The following DNM3 variants were observed in gnomAD, a reference collection of about 807,000 sequenced individuals.
The protein encoded by DNM3 is dynamin-3.
Under a neutral mutation model 101.6 loss-of-function variants are expected in DNM3, and 47 were observed. The observed-to-expected ratio is 0.46, with a 90% confidence interval of 0.37 to 0.59. The LOEUF (loss-of-function observed/expected upper bound fraction) is 0.59. Among genes scored for constraint, DNM3 ranks in the 20% least tolerant of loss-of-function variants. The pLI, the probability that DNM3 is intolerant of heterozygous loss-of-function variation, is 0.00. For missense variants in DNM3, 849 were observed against 1,085.7 expected (o/e 0.78, Z 3.06); for synonymous variants, 385 against 387.9 (o/e 0.99, Z 0.09).
At chr1:172,062,762 C>T (rs2051340942) in intron 10 of DNM3, among the ~76,000 whole-genome samples, 1 of 152,200 alleles carries the variant, frequency 6.6e-6, no homozygotes, top group South Asian at 2.1e-4. Context: ...ACTTAGAAAA[C>T]AGTCACTATT....
At position 172,411,120 on chromosome 1, in the gene DNM3, A is replaced by C. The variant is rs1488275146; in HGVS notation, c.*3279A>C. ...AATATATGTATATGTATGGTTGTAAATATCTATGTATACATGTACTTAGTA... is the reference window on the plus strand; with the variant it reads ...AATATATGTATATGTATGGTTGTAACTATCTATGTATACATGTACTTAGTA... On this transcript the variant is annotated 3_prime_UTR_variant, in exon 21 of 21. Transcript: ENST00000627582. The C allele has an allele frequency of 1.0e-6, 1 of 984,192 alleles. No homozygotes were observed. The highest frequency in any genetic ancestry group is 6.2e-5 in the Admixed American group (1 of 16,244). The allele number at this position is 984,192 out of a possible 1,614,324, so 61.0% of individuals were successfully genotyped here.
chr1:172,134,400 A>G (rs947247131), intron 14 of DNM3, among the ~76,000 whole-genome samples: 7 of 152,168 alleles, frequency 4.6e-5, no homozygotes, highest in Admixed American at 1.3e-4. Context: ...GAGGATCATC[A>G]CCATAATGGC....
At chr1:172,033,034 GA>G (rs1253373786) in intron 5 of DNM3, 70 bp from the exon 6 acceptor site, 1 of 1,543,304 alleles carries the variant, frequency 6.5e-7, no homozygotes, top group Non-Finnish European at 8.7e-7. Context: ...GCCTATGTGA[GA>G]GCCTTGAAAT....
intron 17 of DNM3, among the ~76,000 whole-genome samples, chr1:172,341,856 G>A (rs1036259165): frequency 2.0e-5 from 3 of 152,040 alleles, no homozygotes; most frequent in African/African-American, 4.8e-5. Flanking sequence ...AAAAGCAATT[G>A]CAATAAAACC....
intron 15 of DNM3, among the ~76,000 whole-genome samples, chr1:172,254,147 A>T (rs1029721837): frequency 6.6e-6 from 1 of 152,048 alleles, no homozygotes; most frequent in East Asian, 1.9e-4. Flanking sequence ...TTGACCTCAA[A>T]CTACCTGGGT....
chr1:172,167,717 A>G (rs1446321269), intron 14 of DNM3, among the ~76,000 whole-genome samples: 2 of 152,018 alleles, frequency 1.3e-5, no homozygotes, highest in African/African-American at 2.4e-5. Context: ...TTTTTTTTCC[A>G]TATAATTGAT....
intron 2 of DNM3, among the ~76,000 whole-genome samples, chr1:171,973,861 C>T (rs1019230983): frequency 7.2e-5 from 11 of 152,014 alleles, no homozygotes; most frequent in African/African-American, 2.7e-4. Flanking sequence ...GACGGGATTT[C>T]ACCATGTTGC....
chr1:172,302,047 C>T (rs2064481211), intron 15 of DNM3, among the ~76,000 whole-genome samples: 1 of 152,142 alleles, frequency 6.6e-6, no homozygotes, highest in Non-Finnish European at 1.5e-5. Flanking sequence ...TGAGTGCAGC[C>T]CACAGAGGAC....
At chr1:172,365,076 T>A (rs1209315421) in intron 17 of DNM3, among the ~76,000 whole-genome samples, 1 of 151,936 alleles carries the variant, frequency 6.6e-6, no homozygotes, top group Non-Finnish European at 1.5e-5. Flanking sequence ...CTTATTTCGA[T>A]TCAAACTCAA....
chr1:171,841,689 G>T lies in DNM3; in HGVS notation c.33G>T (p.Pro11=), dbSNP rs376123360. 5.0e-6 allele frequency: 8 copies of T among 1,611,690 alleles called. No homozygotes were observed. Among genetic ancestry groups the T allele is most frequent in the African/African-American group, 2.7e-5 (2 of 74,888 alleles). Residue 11 remains proline, a synonymous_variant, in exon 1 of 21, where the codon CCG becomes CCT. Coordinates refer to ENST00000627582, the MANE Select transcript of DNM3 (RefSeq NM_015569.5). MGNREMEELI[P]LVNRLQDAFS... ...ACCGGGAGATGGAGGAGCTGATCCC[G>T]CTGGTGAACCGTCTGCAGGACGCGT...
intron 4 of DNM3, among the ~76,000 whole-genome samples, chr1:171,990,410 A>G (rs1168976666): frequency 6.6e-6 from 1 of 152,114 alleles, no homozygotes. Context: ...CTCAACTGTT[A>G]GGTTCTATGA....
chr1:172,289,800 C>T (rs2063834079), intron 15 of DNM3: 1 of 984,878 alleles, frequency 1.0e-6, no homozygotes, highest in East Asian at 1.1e-4. Context: ...TACTATTTGA[C>T]AAAAATTTGC....
At chr1:171,925,284 G>A (rs899675511) in intron 2 of DNM3, among the ~76,000 whole-genome samples, 3 of 151,472 alleles carry the variant, frequency 2.0e-5, no homozygotes, top group Admixed American at 6.6e-5. Context: ...CTGGAGTGCA[G>A]TGGTGCGATC....
chr1:172,008,342 C>T (rs1484011352), intron 4 of DNM3, among the ~76,000 whole-genome samples: 4 of 151,754 alleles, frequency 2.6e-5, no homozygotes, highest in Admixed American at 6.6e-5. Context: ...TTTGGGTATA[C>T]ATTTAAGTCT....
At chr1:172,220,020 A>G (rs1040353384) in intron 14 of DNM3, among the ~76,000 whole-genome samples, 1 of 152,188 alleles carries the variant, frequency 6.6e-6, no homozygotes, top group Non-Finnish European at 1.5e-5. Flanking sequence ...AACATGGCTC[A>G]TCTGGCCAGG....
chr1:172,019,881 C>G (rs1050519934), intron 4 of DNM3, among the ~76,000 whole-genome samples: 1 of 151,752 alleles, frequency 6.6e-6, no homozygotes, highest in African/African-American at 2.4e-5. Flanking sequence ...GGCTGTATAT[C>G]TTATCTACTA....
chr1:172,218,071 A>T (rs2060769183), intron 14 of DNM3, among the ~76,000 whole-genome samples: 1 of 152,130 alleles, frequency 6.6e-6, no homozygotes, highest in Admixed American at 6.6e-5. Context: ...AATGTTTCCT[A>T]CATGTTTGAG....
At chr1:172,166,488 C>A (rs561257448) in intron 14 of DNM3, among the ~76,000 whole-genome samples, 2 of 151,968 alleles carry the variant, frequency 1.3e-5, no homozygotes, top group South Asian at 4.2e-4. Context: ...TTTTGAATTC[C>A]AGGAACAAAT....
chr1:171,931,151 T>C (rs531023798), intron 2 of DNM3, among the ~76,000 whole-genome samples: 1 of 152,232 alleles, frequency 6.6e-6, no homozygotes, highest in South Asian at 2.1e-4. Flanking sequence ...TTGAAAGAAA[T>C]TAGAGAAGAT....
Sources: gnomAD v4.1 joint callset for allele counts (sites outside exome capture counted in the v4.1 genomes callset) on GRCh38, gnomAD v4.1.1 for gene constraint, MANE v1.5 for transcripts, NCBI Gene and HGNC (gene_info 2026-07-23, HGNC 2026-07-21) for gene names.